Variants in PLCG2 observed in about 807,000 individuals in gnomAD.
PLCG2 encodes the protein 1-phosphatidylinositol 4,5-bisphosphate phosphodiesterase gamma-2.
Under a neutral mutation model 175.6 loss-of-function variants are expected in PLCG2, and 69 were observed. That is an observed-to-expected ratio of 0.39 (90% confidence interval 0.32 to 0.48). PLCG2 has a LOEUF of 0.48. PLCG2 is among the 20% of genes least tolerant of loss of function. The probability of loss-of-function intolerance (pLI) is 0.91; values close to 1 mark genes in which losing one functional copy is unlikely to be tolerated. For missense variants in PLCG2, 1,798 were observed against 1,650.9 expected (o/e 1.09, Z -1.54); for synonymous variants, 827 against 624.0 (o/e 1.33, Z -4.85).
chr16:81,772,514 C>A (rs1910303752), intron 2 of PLCG2, among the ~76,000 whole-genome samples: 1 of 151,914 alleles, frequency 6.6e-6, no homozygotes, highest in African/African-American at 2.4e-5. Flanking sequence ...AGTGTTTGTC[C>A]AATGAATGAA....
intron 19 of PLCG2, among the ~76,000 whole-genome samples, chr16:81,914,370 C>T (rs1365895367): frequency 1.3e-5 from 2 of 152,150 alleles, no homozygotes; most frequent in Non-Finnish European, 2.9e-5. Flanking sequence ...CAGTGTCCGG[C>T]AGAAAGGATG....
intron 21 of PLCG2, chr16:81,921,648 C>A: frequency 3.2e-6 from 1 of 311,436 alleles, no homozygotes; most frequent in Non-Finnish European, 6.2e-6. Flanking sequence ...ATATTCCCAC[C>A]CTGACTCTGT....
chr16:81,754,651 T>C (rs1051739111), intron 1 of PLCG2, among the ~76,000 whole-genome samples: 1 of 151,034 alleles, frequency 6.6e-6, no homozygotes, highest in African/African-American at 2.4e-5. Context: ...TGAATGACTG[T>C]GGGGCCCCAT....
At chr16:81,844,458 A>C (rs1047424544) in intron 2 of PLCG2, among the ~76,000 whole-genome samples, 1 of 152,098 alleles carries the variant, frequency 6.6e-6, no homozygotes, top group Non-Finnish European at 1.5e-5. Flanking sequence ...AGTAACTGCG[A>C]TTACAGGTGC....
intron 26 of PLCG2, chr16:81,935,862 T>C (rs190308032): frequency 3.0e-6 from 3 of 985,268 alleles, no homozygotes; most frequent in Admixed American, 1.2e-4. Flanking sequence ...CTCCCTCTTC[T>C]ATAACTGTAC....
intron 2 of PLCG2, among the ~76,000 whole-genome samples, chr16:81,831,810 T>C (rs1158452701): frequency 6.6e-6 from 1 of 152,206 alleles, no homozygotes; most frequent in Admixed American, 6.5e-5. Context: ...TCTAGCTGTC[T>C]GCAACAGGAA....
At chr16:81,823,463 C>G (rs371821710) in intron 2 of PLCG2, among the ~76,000 whole-genome samples, 4 of 152,326 alleles carry the variant, frequency 2.6e-5, no homozygotes, top group South Asian at 4.1e-4. Context: ...TGTCTGATCT[C>G]TGAAGTGAGC....
intron 30 of PLCG2, among the ~76,000 whole-genome samples, chr16:81,940,461 G>C (rs975401178): frequency 6.6e-6 from 1 of 152,086 alleles, no homozygotes; most frequent in Non-Finnish European, 1.5e-5. Context: ...GCATCTTGGG[G>C]GGGGAGTAAC....
At chr16:81,867,843 G>A (rs11150420) in intron 5 of PLCG2, among the ~76,000 whole-genome samples, 68,371 of 151,770 alleles carry the variant, frequency 0.45, 16,560 homozygotes, top group Non-Finnish European at 0.54. Context: ...GACTACAGGC[G>A]CCTGCTACCA....
At chr16:81,900,932 G>A (rs1343188321) in intron 14 of PLCG2, 152 bp downstream of exon 14, 2 of 641,196 alleles carry the variant, frequency 3.1e-6, no homozygotes, top group Admixed American at 6.2e-5. Flanking sequence ...CTAACACTGT[G>A]ACCTTAGGCA....
chr16:81,818,302 G>A (rs1310281437), intron 2 of PLCG2, among the ~76,000 whole-genome samples: 1 of 152,020 alleles, frequency 6.6e-6, no homozygotes, highest in Non-Finnish European at 1.5e-5. Flanking sequence ...TCATTCCATC[G>A]TGCTCTTCTC....
chr16:81,882,608 C>G (rs1908139476), intron 8 of PLCG2, among the ~76,000 whole-genome samples: 1 of 152,128 alleles, frequency 6.6e-6, no homozygotes, highest in Non-Finnish European at 1.5e-5. Context: ...TCTGCAATCC[C>G]TCCCTCTGGC....
chr16:81,788,008 A>G (rs1911060522), intron 2 of PLCG2, among the ~76,000 whole-genome samples: 1 of 152,262 alleles, frequency 6.6e-6, no homozygotes, highest in African/African-American at 2.4e-5. Context: ...TGGCTAATAT[A>G]AATAGTGCTG....
intron 8 of PLCG2, among the ~76,000 whole-genome samples, chr16:81,882,911 A>C (rs1228214735): frequency 7.0e-5 from 10 of 141,894 alleles, no homozygotes; most frequent in South Asian, 2.4e-4. Flanking sequence ...CTCCCTTCCC[A>C]CCCTCATCTC....
At chr16:81,758,967 C>T (rs921418111) in intron 2 of PLCG2, among the ~76,000 whole-genome samples, 17 of 152,322 alleles carry the variant, frequency 1.1e-4, no homozygotes, top group African/African-American at 1.7e-4. Flanking sequence ...CGTGAGCCAC[C>T]GCACCCGGCT....
chr16:81,919,289 T>C (rs566816614), intron 19 of PLCG2, among the ~76,000 whole-genome samples, 195 bp from the exon 20 acceptor site: 23 of 152,214 alleles, frequency 1.5e-4, no homozygotes, highest in Non-Finnish European at 2.8e-4. Context: ...ACACAGATTC[T>C]TCTAGATCTG....
intron 22 of PLCG2, among the ~76,000 whole-genome samples, chr16:81,925,921 A>G (rs1910252022): frequency 6.6e-6 from 1 of 151,532 alleles, no homozygotes; most frequent in African/African-American, 2.4e-5. Context: ...AGGATATCAT[A>G]TAGAGGGGAA....
chr16:81,752,488 C>T (rs1816270031), intron 1 of PLCG2, among the ~76,000 whole-genome samples: 2 of 152,126 alleles, frequency 1.3e-5, no homozygotes, highest in South Asian at 2.1e-4. Flanking sequence ...CAGCTGGGGG[C>T]GGAGCAGGCC....
chr16:81,777,964 C>T (rs1478268003), upstream of PLCG2, among the ~76,000 whole-genome samples: 2 of 147,586 alleles, frequency 1.4e-5, no homozygotes, highest in Non-Finnish European at 3.0e-5. Context: ...TTGCAGTGAG[C>T]CGAGATCGTG....
Sources: gnomAD v4.1 joint callset for allele counts (sites outside exome capture counted in the v4.1 genomes callset) on GRCh38, gnomAD v4.1.1 for gene constraint, MANE v1.5 for transcripts, NCBI Gene and HGNC (gene_info 2026-07-23, HGNC 2026-07-21) for gene names.